GON4L: variants seen among roughly 807,000 people sequenced by gnomAD.
GON4L encodes GON-4-like protein.
GON4L carries 87 observed loss-of-function variants against 211.8 expected under a neutral mutation model. That is an observed-to-expected ratio of 0.41 (90% confidence interval 0.35 to 0.49). GON4L has a LOEUF of 0.49. Ranked by LOEUF, GON4L falls within the 20% of genes least tolerant of loss-of-function variation. GON4L has a pLI of 0.15. For synonymous variants in GON4L, 875 were observed against 962.6 expected (o/e 0.91, Z 1.68); for missense variants, 2,155 against 2,659.5 (o/e 0.81, Z 4.17).
At chr1:155,849,006 G>C (rs747428329) in intron 2 of GON4L, among the ~76,000 whole-genome samples, 1 of 151,930 alleles carries the variant, frequency 6.6e-6, no homozygotes, top group African/African-American at 2.4e-5. Flanking sequence ...AAATTAGCTA[G>C]GCCTGGTGAT....
chr1:155,842,071 G>A (rs1290728229), intron 2 of GON4L, among the ~76,000 whole-genome samples: 1 of 151,424 alleles, frequency 6.6e-6, no homozygotes, highest in Non-Finnish European at 1.5e-5. Context: ...GCCATGACAA[G>A]AAACAAGGGG....
intron 14 of GON4L, among the ~76,000 whole-genome samples, chr1:155,781,292 G>A (rs1376101948): frequency 6.6e-6 from 1 of 151,738 alleles, no homozygotes; most frequent in Non-Finnish European, 1.5e-5. Flanking sequence ...ACAGGCACCT[G>A]CCAACACGTC....
intron 2 of GON4L, among the ~76,000 whole-genome samples, chr1:155,833,695 T>G (rs866744382): frequency 0.077 from 2,432 of 31,504 alleles, no homozygotes; most frequent in South Asian, 0.11. Context: ...GGAGGGGAGG[T>G]GAGGGAAGGG....
intron 2 of GON4L, among the ~76,000 whole-genome samples, chr1:155,828,302 A>C (rs1393202239): frequency 6.6e-6 from 1 of 152,024 alleles, no homozygotes; most frequent in Admixed American, 6.6e-5. Context: ...CAGCCTGGCC[A>C]ACATGATGAA....
rs757283968 is a variant in GON4L at position 155,766,006 on chromosome 1, C to T, written c.3467G>A (p.Ser1156Asn). 1.9e-6 allele frequency: 3 copies of T among 1,614,144 alleles called. No homozygotes were observed. In the Admixed American group the frequency reaches 5.0e-5, roughly 27 times the overall value. The change falls in exon 21 of 32, where the codon AGC becomes AAC. Residue 1156 changes from serine to asparagine, a missense_variant. Physicochemically the swap from Ser to Asn is conservative, Grantham distance 46. This residue lies in a region of GON4L where 615 missense variants were observed against 625.7 expected (regional missense o/e 0.98). Transcript: ENST00000368331. ...TVPATTVKIV[S>N]LGGGCNMIQP... is the part of the protein sequence containing the mutation. ...GATCATGTTACAGCCACCGCCAAGG[C>T]TCACAATCTTCACAGTGGTAGCAGG...
chr1:155,750,870 TCTC>T (rs1660501942), intron 31 of GON4L, 137 bp from the exon 32 acceptor site: 3 of 766,326 alleles, frequency 3.9e-6, no homozygotes, highest in East Asian at 2.8e-5. Flanking sequence ...TTCAAGCAAT[TCTC>T]CTGCCTCAGC....
chr1:155,766,582 C>A lies in GON4L; in HGVS notation c.2891G>T (p.Gly964Val), dbSNP rs1234995747. The A allele has an allele frequency of 1.2e-6, 2 of 1,613,958 alleles. No homozygotes were observed. Among genetic ancestry groups the A allele is most frequent in the Non-Finnish European group, 1.7e-6 (2 of 1,180,022 alleles). Residue 964 changes from glycine (G) to valine (V), a missense_variant, in exon 21 of 32, where the codon GGG becomes GTG. Gly to Val is a moderately radical substitution (Grantham distance 109). Coordinates refer to ENST00000368331, the MANE Select transcript of GON4L (RefSeq NM_001282860.2). The stretch of plus-strand genomic sequence containing the variant: ...TAGCAGTGGGTACCGAGATTCACTC[C>A]CCAACTCCAAATTGTCTTTTTCTAG... ...RSLEKDNLEL[G>V]SESRYPLLLP... is the part of the protein sequence containing the mutation.
intron 12 of GON4L, among the ~76,000 whole-genome samples, chr1:155,790,378 G>A (rs1461186803): frequency 2.0e-5 from 3 of 151,844 alleles, no homozygotes; most frequent in African/African-American, 4.8e-5. Flanking sequence ...GATTACAGGC[G>A]TGAGCCACCA....
At chr1:155,753,146 C>A in intron 29 of GON4L, 58 bp downstream of exon 29, 1 of 1,304,372 alleles carries the variant, frequency 7.7e-7, no homozygotes, top group Non-Finnish European at 1.1e-6. Context: ...AGGTTCCTGT[C>A]TGGAGTACAG....
In GON4L at chr1:155,750,702, A is replaced by T; in HGVS notation, c.6608T>A (p.Leu2203His). 1 of 1,586,768 alleles carries T rather than the reference A, an allele frequency of 6.3e-7. No individual in the cohort carries two copies. The highest frequency in any genetic ancestry group is 8.6e-7 in the Non-Finnish European group (1 of 1,166,954). Residue 2203 changes from leucine (L) to histidine (H), a missense_variant, in exon 32 of 32, where the codon CTC becomes CAC. Transcript: ENST00000368331. ...GCTGGCTTCACAGGCAGTGTGGAAG[A>T]GCTGCATGAGTTCTCGAAAACGGTG... ...VSHRFRELMQLFHTACEASSE... is the reference protein window; with the variant it reads ...VSHRFRELMQHFHTACEASSE...
At chr1:155,814,170 A>G (rs1668029481) in intron 9 of GON4L, among the ~76,000 whole-genome samples, 160 bp downstream of exon 9, 1 of 152,216 alleles carries the variant, frequency 6.6e-6, no homozygotes, top group Non-Finnish European at 1.5e-5. Flanking sequence ...TTCTTTGGCT[A>G]TCACTGAGTT....
chr1:155,819,535 C>T (rs1342131796), intron 6 of GON4L, among the ~76,000 whole-genome samples: 1 of 152,038 alleles, frequency 6.6e-6, no homozygotes, highest in East Asian at 1.9e-4. Context: ...GGATTACAGG[C>T]ATGAGCCACC....
At chr1:155,763,190 G>C in intron 22 of GON4L, 122 bp downstream of exon 22, 1 of 834,570 alleles carries the variant, frequency 1.2e-6, no homozygotes, top group Non-Finnish European at 1.9e-6. Context: ...TTGCAGAAGA[G>C]ATCCAGAGGG....
At chr1:155,768,262 A>G (rs822527) in intron 19 of GON4L, among the ~76,000 whole-genome samples, 76,900 of 146,448 alleles carry the variant, frequency 0.53, 22,305 homozygotes, top group Middle Eastern at 0.68. Flanking sequence ...GAGATCAGAG[A>G]CAGTGCCACT....
chr1:155,764,426 A>AT (rs371568461), intron 21 of GON4L: 2,820 of 139,274 alleles, frequency 0.02, 152 homozygotes, highest in African/African-American at 0.042. Context: ...GTTATTTACT[A>AT]TTTTTTTTTT....
intron 12 of GON4L, among the ~76,000 whole-genome samples, chr1:155,789,353 G>T (rs1247371410): frequency 6.6e-6 from 1 of 152,052 alleles, no homozygotes; most frequent in Non-Finnish European, 1.5e-5. Context: ...GTGGTTAAAA[G>T]TGAAGTATAG....
At chr1:155,824,034 A>G (rs1329530885) in intron 3 of GON4L, among the ~76,000 whole-genome samples, 1 of 152,144 alleles carries the variant, frequency 6.6e-6, no homozygotes, top group African/African-American at 2.4e-5. Flanking sequence ...CACCCAACGA[A>G]AAAGAAGTAC....
chr1:155,794,420 C>T (rs1255222897), intron 12 of GON4L, among the ~76,000 whole-genome samples: 1 of 152,162 alleles, frequency 6.6e-6, no homozygotes, highest in Non-Finnish European at 1.5e-5. Flanking sequence ...GTAAACACTA[C>T]CTAATCTTAT....
At chr1:155,797,886 TG>T (rs1666234930) in intron 11 of GON4L, among the ~76,000 whole-genome samples, 1 of 149,266 alleles carries the variant, frequency 6.7e-6, no homozygotes, top group South Asian at 2.1e-4. Context: ...ATATATATCC[TG>T]GGCAACACAG....
Sources: allele counts gnomAD v4.1 joint callset (sites outside exome capture counted in the v4.1 genomes callset), GRCh38; gene constraint gnomAD v4.1.1; regional missense constraint gnomAD v4.1.1; transcripts MANE v1.5; gene names NCBI Gene and HGNC (gene_info 2026-07-23, HGNC 2026-07-21).